Variants in FMR1 observed in about 807,000 individuals in gnomAD.
FMR1 encodes the protein fragile X messenger ribonucleoprotein 1.
Under a neutral mutation model 50.6 loss-of-function variants are expected in FMR1, and 13 were observed. That is an observed-to-expected ratio of 0.26 (90% confidence interval 0.17 to 0.41). FMR1 has a LOEUF of 0.41. Ranked by LOEUF, FMR1 falls within the 10% of genes least tolerant of loss-of-function variation. The pLI is 1.00. For synonymous variants in FMR1, 138 were observed against 164.1 expected (o/e 0.84, Z 1.22); for missense variants, 316 against 491.3 (o/e 0.64, Z 3.37).
At chrX:147,944,761 T>TGGGA in intron 14 of FMR1, 108 bp from the exon 15 acceptor site, 1 of 1,092,391 alleles carries the variant, frequency 9.2e-7, no homozygotes. Context: ...GCTTATAAAT[T>TGGGA]GGGAAGAGTT....
intron 9 of FMR1, among the ~76,000 whole-genome samples, chrX:147,936,002 C>G (rs1011366196): frequency 8.9e-6 from 1 of 112,033 alleles, no homozygotes; most frequent in African/African-American, 3.2e-5. Flanking sequence ...TATAAATGTG[C>G]CTTCCATACA....
chrX:147,931,379 C>T (rs782468641), intron 7 of FMR1, among the ~76,000 whole-genome samples: 1 of 111,601 alleles, frequency 9.0e-6, no homozygotes, highest in South Asian at 3.7e-4. Context: ...CTTGAAAAGT[C>T]CTAGAATTAT....
rs782748949 is a variant in FMR1 at position 147,932,381 on chromosome X, A to G, written c.631-44A>G. ...TGGCTGGCCTAAATACAGTTGTCGT[A>G]ATAGTTGATAAAGTGTATTCATCAG... is the stretch of plus-strand genomic sequence containing the variant. On this transcript the variant is annotated intron_variant, in intron 7 of 16. Coordinates refer to ENST00000370475, the MANE Select transcript of FMR1 (RefSeq NM_002024.6). The G allele has an allele frequency of 3.5e-6, 4 of 1,153,639 alleles. No homozygotes were observed. In the East Asian group the frequency reaches 1.2e-4, roughly 34 times the overall value.
Position 147,943,198 on chromosome X carries a change from C to G in FMR1, c.1343C>G (p.Ser448Cys), listed in dbSNP as rs2044065561. 6.6e-6 allele frequency: 8 copies of G among 1,210,138 alleles called. No homozygotes were observed. The highest frequency in any genetic ancestry group is 8.9e-6 in the Non-Finnish European group (8 of 894,215). ...CAGTTGCGACAGATTGGAGCTAGTT[C>G]TAGACCACCACCAAATCGTACAGAT... ...DEQLRQIGAS[S>C]RPPPNRTDKE... The change falls in exon 14 of 17, where the codon TCT (serine) becomes TGT (cysteine). Residue 448 changes from serine (S) to cysteine (C), a missense_variant. Ser to Cys is a moderately radical substitution (Grantham distance 112, BLOSUM62 -1). Transcript: ENST00000370475.
intron 1 of FMR1, among the ~76,000 whole-genome samples, chrX:147,920,857 G>T (rs1557176268): frequency 8.9e-6 from 1 of 112,157 alleles, no homozygotes; most frequent in Non-Finnish European, 1.9e-5. Flanking sequence ...CAATAGGAAA[G>T]AAGGAATGGA....
At chrX:147,946,446 C>G (rs1323599698) in intron 16 of FMR1, among the ~76,000 whole-genome samples, 3 of 112,509 alleles carry the variant, frequency 2.7e-5, no homozygotes, top group Non-Finnish European at 5.6e-5. Context: ...CCGAGGATCT[C>G]TTCTCAATTG....
chrX:147,948,148 G>C (rs908570249), intron 16 of FMR1, among the ~76,000 whole-genome samples: 3 of 112,069 alleles, frequency 2.7e-5, no homozygotes, highest in Non-Finnish European at 5.6e-5. Flanking sequence ...TTTTTCTACT[G>C]TATGACTATG....
At position 147,949,257 on chromosome X, in the gene FMR1, T is replaced by C. The variant is rs1557182876; in HGVS notation, c.*413T>C. ...TTTCAATCTCGTATAGAAGTCTTCA[T>C]GAAATGCTATGTCATTTCATGTCCT... is the stretch of plus-strand genomic sequence containing the variant. On this transcript the variant is annotated 3_prime_UTR_variant, in exon 17 of 17. Transcript: ENST00000370475. 1 of 331,609 alleles carries C rather than the reference T, an allele frequency of 3.0e-6. No individual in the cohort carries two copies. The highest frequency in any genetic ancestry group is 2.6e-5 in the South Asian group (1 of 38,443). 27.3% of individuals were successfully genotyped at this position (331,609 alleles called of 1,213,427 possible).
chrX:147,929,039 G>A (rs1256040777), intron 5 of FMR1, among the ~76,000 whole-genome samples: 3 of 112,016 alleles, frequency 2.7e-5, no homozygotes, highest in Non-Finnish European at 3.8e-5. Flanking sequence ...GGCTATACAC[G>A]TGTCTGATGT....
In FMR1 at chrX:147,941,380, C is replaced by T. The variant is rs971930644; in HGVS notation, c.1275+718C>T. ...GTTCTATACTTTAATGAAATGGAAA[C>T]TGATCTACTTCATTTTCATAATGTT... On this transcript the variant is annotated intron_variant, in intron 13 of 16. Coordinates refer to ENST00000370475, the MANE Select transcript of FMR1 (RefSeq NM_002024.6). 4.5e-5 allele frequency among the ~76,000 whole-genome samples: 5 copies of T among 112,359 alleles called. No homozygotes were observed. In the Admixed American group the frequency reaches 4.7e-4, roughly 11 times the overall value.
In FMR1 at chrX:147,936,410, C is replaced by T. The variant is rs29284; in HGVS notation, c.881-94C>T. 0.074 allele frequency: 41,396 copies of T among 557,151 alleles called. 1,251 individuals are homozygous for T. Among genetic ancestry groups the T allele is most frequent in the Middle Eastern group, 0.11 (306 of 2,862 alleles). 45.9% of individuals were successfully genotyped at this position (557,151 alleles called of 1,213,427 possible). A position where few individuals can be genotyped will look rare whatever the true frequency, so the allele number is the denominator to read the frequency against. ...TACATACACATACACATAAAAATAT[C>T]TATCTATATGAATGTAATAGTTTAC... On this transcript the variant is annotated intron_variant, in intron 9 of 16. Transcript: ENST00000370475.
chrX:147,930,510 C>T (rs781827666), intron 7 of FMR1, among the ~76,000 whole-genome samples: 4 of 111,658 alleles, frequency 3.6e-5, no homozygotes, highest in Non-Finnish European at 7.5e-5. Context: ...TAATAAAATG[C>T]GGCAATGCTT....
chrX:147,940,720 A>G (rs782126267), intron 13 of FMR1, 58 bp downstream of exon 13: 61 of 779,033 alleles, frequency 7.8e-5, no homozygotes, highest in East Asian at 3.2e-4. Flanking sequence ...TACAAACTTT[A>G]TAGTAGATCT....
At chrX:147,920,866 G>GA (rs2043127589) in intron 1 of FMR1, among the ~76,000 whole-genome samples, 1 of 112,056 alleles carries the variant, frequency 8.9e-6, no homozygotes, top group Non-Finnish European at 1.9e-5. Context: ...AGAAGGAATG[G>GA]AGAGAGGCCC....
At chrX:147,944,779 A>G (rs975014929) in intron 14 of FMR1, 90 bp from the exon 15 acceptor site, 23 of 1,134,073 alleles carry the variant, frequency 2.0e-5, no homozygotes, top group Non-Finnish European at 2.5e-5. Context: ...GTTTTGGATT[A>G]CCCCTGAAAC....
At chrX:147,944,743 C>A in intron 14 of FMR1, 126 bp from the exon 15 acceptor site, 1 of 1,090,432 alleles carries the variant, frequency 9.2e-7, no homozygotes. Context: ...TGATAATACT[C>A]TTTGTGGGCT....
At chrX:147,931,299 A>C (rs1462120133) in intron 7 of FMR1, among the ~76,000 whole-genome samples, 1 of 111,959 alleles carries the variant, frequency 8.9e-6, no homozygotes, top group African/African-American at 3.2e-5. Context: ...TTGGCTAACC[A>C]TTTATCAGTG....
chrX:147,915,189 G>GT lies in FMR1; in HGVS notation c.51+2960dup, dbSNP rs782042669. Among the ~76,000 whole-genome samples, 213 of 111,775 alleles carry GT rather than the reference G, an allele frequency of 1.9e-3. 1 individual carries two copies. The highest frequency in any genetic ancestry group is 2.7e-3 in the Non-Finnish European group (142 of 53,009). ...AGGACAGACTTTCATTTGGTTAGTA[G>GT]TATTATGGCAGCTAGCAGCTAAATA... is the stretch of plus-strand genomic sequence containing the variant. On this transcript the variant is annotated intron_variant, in intron 1 of 16. Coordinates refer to ENST00000370475, the MANE Select transcript of FMR1 (RefSeq NM_002024.6).
At position 147,948,826 on chromosome X, in the gene FMR1, C is replaced by T. The variant is rs372396040; in HGVS notation, c.1881C>T (p.Leu627=). ...KPDSVDGQQP[L]VNGVP The stretch of plus-strand genomic sequence containing the variant: ...ACAGCGTGGATGGTCAGCAACCACT[C>T]GTGAATGGAGTACCCTAAACTGCAT... The change falls in exon 17 of 17, where the codon CTC becomes CTT. Residue 627 remains leucine, a synonymous_variant. Coordinates refer to ENST00000370475, the MANE Select transcript of FMR1 (RefSeq NM_002024.6). The T allele has an allele frequency of 1.0e-4, 123 of 1,208,200 alleles. 1 individual carries two copies. The South Asian group carries it at 2.0e-3, about 19-fold the overall frequency.
Sources: allele counts gnomAD v4.1 joint callset (sites outside exome capture counted in the v4.1 genomes callset), GRCh38; gene constraint gnomAD v4.1.1; transcripts MANE v1.5; gene names NCBI Gene and HGNC (gene_info 2026-07-23, HGNC 2026-07-21).